The following ERBB4 variants were observed in gnomAD, a reference collection of about 807,000 sequenced individuals.
The protein encoded by ERBB4 is receptor tyrosine-protein kinase erbB-4.
ERBB4 carries 42 observed loss-of-function variants against 158.0 expected under a neutral mutation model. The ratio of observed to expected loss-of-function variants is 0.27; its 90% CI spans 0.21 to 0.34. ERBB4 has a LOEUF of 0.34. Among genes scored for constraint, ERBB4 ranks in the 10% least tolerant of loss-of-function variants. ERBB4 has a pLI of 1.00. For synonymous variants in ERBB4, 583 were observed against 558.7 expected, an observed-to-expected ratio of 1.04 and a Z score of -0.61; for missense variants, 1,333 against 1,624.1, an observed-to-expected ratio of 0.82 and a Z score of 3.08.
intron 19 of ERBB4, among the ~76,000 whole-genome samples, chr2:211,582,070 A>G (rs766067597): frequency 6.6e-6 from 1 of 152,158 alleles, no homozygotes; most frequent in African/African-American, 2.4e-5. Flanking sequence ...GTGTTTGCAC[A>G]TATCTTCTGG....
chr2:211,478,521 G>T (rs1304935195), intron 20 of ERBB4, among the ~76,000 whole-genome samples: 1 of 152,064 alleles, frequency 6.6e-6, no homozygotes, highest in Non-Finnish European at 1.5e-5. Context: ...ATTTCCAGAA[G>T]TAAAGTCATT....
chr2:211,773,486 AGAGAGGGTAT>A (rs1191589503), intron 4 of ERBB4, among the ~76,000 whole-genome samples: 2 of 148,884 alleles, frequency 1.3e-5, no homozygotes, highest in East Asian at 4.0e-4. Context: ...GAGCTAAGGA[AGAGAGGGTAT>A]GAGATAATCT....
In ERBB4 at chr2:211,704,131, A is replaced by G; in HGVS notation, c.1262T>C (p.Val421Ala). Residue 421 changes from valine to alanine, a missense_variant, in exon 11 of 28, where the codon GTG becomes GCG. Transcript: ENST00000342788. The stretch of plus-strand genomic sequence containing the variant: ...ATAGAGTACTCTTCCACCAATGGTC[A>G]CCAGGTTAGAAAAAACACTGAAGTC... ...MTDFSVFSNL[V>A]TIGGRVLYSG... The G allele has an allele frequency of 6.2e-7, 1 of 1,611,290 alleles. No homozygotes were observed. The highest frequency in any genetic ancestry group is 8.5e-7 in the Non-Finnish European group (1 of 1,177,426).
intron 12 of ERBB4, among the ~76,000 whole-genome samples, chr2:211,685,070 TCTGTAG>T (rs2072509392): frequency 6.6e-6 from 1 of 152,258 alleles, no homozygotes; most frequent in Admixed American, 6.5e-5. Flanking sequence ...CCTCTCCTAA[TCTGTAG>T]CTTATACTTT....
intron 1 of ERBB4, among the ~76,000 whole-genome samples, chr2:212,156,970 C>A (rs2081052758): frequency 1.3e-5 from 2 of 152,058 alleles, no homozygotes; most frequent in Admixed American, 6.6e-5. Flanking sequence ...TGTGCTTAAA[C>A]CCTGTTTGTC....
intron 20 of ERBB4, among the ~76,000 whole-genome samples, chr2:211,508,609 A>T (rs2065808316): frequency 6.6e-6 from 1 of 152,220 alleles, no homozygotes; most frequent in Admixed American, 6.5e-5. Context: ...CATTTGACCC[A>T]GCAATCCCAT....
intron 3 of ERBB4, among the ~76,000 whole-genome samples, chr2:211,856,542 C>T (rs960899682): frequency 6.9e-5 from 10 of 145,240 alleles, no homozygotes; most frequent in Non-Finnish European, 1.2e-4. Flanking sequence ...CCCGCCACCA[C>T]GCCCGGCTAA....
At chr2:211,998,779 C>A (rs923481157) in intron 2 of ERBB4, among the ~76,000 whole-genome samples, 1 of 151,638 alleles carries the variant, frequency 6.6e-6, no homozygotes, top group African/African-American at 2.4e-5. Flanking sequence ...CCATGATACC[C>A]TAGGGATGAT....
chr2:212,265,363 T>G (rs1331143990), intron 1 of ERBB4, among the ~76,000 whole-genome samples: 2 of 152,130 alleles, frequency 1.3e-5, no homozygotes, highest in Admixed American at 6.6e-5. Context: ...TGTACATGTG[T>G]AGATATCTGA....
intron 19 of ERBB4, among the ~76,000 whole-genome samples, chr2:211,607,353 T>C (rs974546951): frequency 1.3e-5 from 2 of 152,180 alleles, no homozygotes. Context: ...ACTCCTCAGT[T>C]CAATGAGCTC....
At chr2:212,449,564 T>G (rs2092415020) in intron 1 of ERBB4, among the ~76,000 whole-genome samples, 2 of 152,262 alleles carry the variant, frequency 1.3e-5, no homozygotes, top group South Asian at 4.1e-4. Context: ...TGCTACCATA[T>G]TTTTTCCAAT....
intron 14 of ERBB4, among the ~76,000 whole-genome samples, chr2:211,669,829 T>C (rs906164347): frequency 6.6e-6 from 1 of 152,222 alleles, no homozygotes; most frequent in Non-Finnish European, 1.5e-5. Flanking sequence ...TCAGAACTTC[T>C]ATAGTTGAGT....
intron 4 of ERBB4, among the ~76,000 whole-genome samples, chr2:211,785,108 T>TTA (rs57360026): frequency 0.15 from 20,739 of 142,338 alleles, 1,124 homozygotes; most frequent in South Asian, 0.33. Flanking sequence ...TTTTTTTTTT[T>TTA]TTTTTATTTT....
At chr2:212,082,357 C>A (rs776265196) in intron 2 of ERBB4, among the ~76,000 whole-genome samples, 2 of 151,830 alleles carry the variant, frequency 1.3e-5, no homozygotes, top group Non-Finnish European at 2.9e-5. Flanking sequence ...TTTTTATTTG[C>A]TTGTTAAACA....
chr2:211,483,411 AT>A (rs1299614618), intron 20 of ERBB4, among the ~76,000 whole-genome samples: 2 of 152,244 alleles, frequency 1.3e-5, no homozygotes, highest in Non-Finnish European at 2.9e-5. Context: ...CATAATCATA[AT>A]TAAATTGCTT....
chr2:212,441,742 A>G (rs1252538271), intron 1 of ERBB4, among the ~76,000 whole-genome samples: 2 of 152,088 alleles, frequency 1.3e-5, no homozygotes, highest in African/African-American at 2.4e-5. Flanking sequence ...TGAAATATGG[A>G]TTAAAAGGTG....
intron 3 of ERBB4, among the ~76,000 whole-genome samples, chr2:211,804,001 T>C (rs1223235100): frequency 6.6e-6 from 1 of 152,208 alleles, no homozygotes; most frequent in African/African-American, 2.4e-5. Context: ...CATCATTTGT[T>C]GCAATGGAGT....
At chr2:211,515,896 T>TTTTATATATATATATATAAATATA (rs1394844699) in intron 20 of ERBB4, among the ~76,000 whole-genome samples, 1 of 88,958 alleles carries the variant, frequency 1.1e-5, no homozygotes, top group Non-Finnish European at 2.1e-5. Context: ...AAAACATATA[T>TTTTATATATATATATATAAATATA]TATATATATA....
chr2:212,192,896 C>T (rs2082315858), intron 1 of ERBB4, among the ~76,000 whole-genome samples: 1 of 152,082 alleles, frequency 6.6e-6, no homozygotes, highest in Non-Finnish European at 1.5e-5. Flanking sequence ...TCTGATATTT[C>T]CTGTTTTTAA....
Sources: allele counts gnomAD v4.1 joint callset (sites outside exome capture counted in the v4.1 genomes callset), GRCh38; gene constraint gnomAD v4.1.1; transcripts MANE v1.5; gene names NCBI Gene and HGNC (gene_info 2026-07-23, HGNC 2026-07-21).